LRRFIP1: variants seen among roughly 807,000 people sequenced by gnomAD.
LRRFIP1 encodes leucine-rich repeat flightless-interacting protein 1.
LRRFIP1 carries 62 observed loss-of-function variants against 104.4 expected under a neutral mutation model. The observed-to-expected ratio is 0.59, with a 90% CI of 0.48 to 0.73. LRRFIP1 has a LOEUF of 0.73. Ranked by LOEUF, LRRFIP1 falls within the 30% of genes least tolerant of loss-of-function variation. The pLI is 0.00. For missense variants in LRRFIP1, 796 were observed against 824.5 expected (o/e 0.97, Z 0.42); for synonymous variants, 300 against 299.0 (o/e 1.00, Z -0.03).
intron 1 of LRRFIP1, among the ~76,000 whole-genome samples, chr2:237,706,501 C>G (rs2093817088): frequency 6.6e-6 from 1 of 152,226 alleles, no homozygotes; most frequent in Non-Finnish European, 1.5e-5. Context: ...AGCCACCTGC[C>G]TTACCAGGAA....
chr2:237,721,049 T>G (rs2094520683), intron 6 of LRRFIP1: 1 of 498,772 alleles, frequency 2.0e-6, no homozygotes, highest in Non-Finnish European at 3.7e-6. Flanking sequence ...TCTCCCGAGA[T>G]GAAGTCATCT....
At position 237,780,815 on chromosome 2, in the gene LRRFIP1, C is replaced by T. The variant is rs539127621; in HGVS notation, c.*1283C>T. On this transcript the variant is annotated 3_prime_UTR_variant, in exon 24 of 24. Transcript: ENST00000308482. ...TATGGATCTAGGATATACACAGCTG[C>T]GTTGCATTAAGAAAGAGATGAAATC... is the stretch of plus-strand genomic sequence containing the variant. Among the ~76,000 whole-genome samples, 2 of 152,130 alleles carry T rather than the reference C, an allele frequency of 1.3e-5. No individual in the cohort carries two copies. The highest frequency in any genetic ancestry group is 2.9e-5 in the Non-Finnish European group (2 of 68,016).
chr2:237,740,249 TAA>T (rs548413594), intron 11 of LRRFIP1, among the ~76,000 whole-genome samples: 2,420 of 125,580 alleles, frequency 0.019, 71 homozygotes, highest in African/African-American at 0.066. Context: ...CTCTAAACAG[TAA>T]AAAAAAAAAA....
chr2:237,766,041 G>A lies in LRRFIP1; in HGVS notation c.1460-3902G>A, dbSNP rs536523360. On this transcript the variant is annotated intron_variant, in intron 19 of 23. Coordinates refer to ENST00000308482, the MANE Select transcript of LRRFIP1 (RefSeq NM_001137550.2). This position sits in a 1 kb window ranked among gnomAD's most constrained non-coding sequence, Gnocchi z 4.8. The stretch of plus-strand genomic sequence containing the variant: ...TATTGGGGTTCCGTGGAAGACCCAC[G>A]CCTGATGCCCTCCCTCAGTAAGGAA... 4.2e-5 allele frequency: 17 copies of A among 403,898 alleles called. No individual in the cohort carries two copies. Among genetic ancestry groups the A allele is most frequent in the African/African-American group, 2.6e-4 (12 of 45,956 alleles). The allele number at this position is 403,898 out of a possible 1,614,324, so 25.0% of individuals were successfully genotyped here. A position where few individuals can be genotyped will look rare whatever the true frequency, so the allele number is the denominator to read the frequency against.
At chr2:237,662,136 T>TG (rs2088116162) in intron 1 of LRRFIP1, among the ~76,000 whole-genome samples, 1 of 142,888 alleles carries the variant, frequency 7.0e-6, no homozygotes, top group Non-Finnish European at 1.5e-5. Flanking sequence ...CTTCTGGTGC[T>TG]GCTGGCAGCC....
intron 1 of LRRFIP1, among the ~76,000 whole-genome samples, chr2:237,660,720 A>G (rs2087752928): frequency 6.6e-6 from 1 of 152,184 alleles, no homozygotes; most frequent in Non-Finnish European, 1.5e-5. Context: ...CATCCATACA[A>G]GGAGTGCCAC....
chr2:237,682,732 GCTGA>G (rs1179328147), intron 1 of LRRFIP1, among the ~76,000 whole-genome samples: 1 of 152,168 alleles, frequency 6.6e-6, no homozygotes, highest in Non-Finnish European at 1.5e-5. Context: ...TGCTCCTGGC[GCTGA>G]CTTTCTTGCC....
intron 2 of LRRFIP1, among the ~76,000 whole-genome samples, chr2:237,713,732 A>G (rs971150083): frequency 4.6e-5 from 7 of 152,272 alleles, no homozygotes; most frequent in Non-Finnish European, 8.8e-5. Flanking sequence ...ATGTCAATGT[A>G]TGATAATAAC....
chr2:237,631,323 T>G (rs1232897263), intron 1 of LRRFIP1, among the ~76,000 whole-genome samples: 1 of 152,214 alleles, frequency 6.6e-6, no homozygotes, highest in Non-Finnish European at 1.5e-5. Flanking sequence ...GGCAGGGCTT[T>G]GCACTCTTCT....
intron 19 of LRRFIP1, chr2:237,763,586 G>C (rs757229538): frequency 1.2e-6 from 2 of 1,613,204 alleles, no homozygotes; most frequent in Non-Finnish European, 1.7e-6. Flanking sequence ...AGCCCAAAAC[G>C]AGGTGACTGA....
chr2:237,673,601 TTC>T, intron 1 of LRRFIP1, among the ~76,000 whole-genome samples: 1 of 152,128 alleles, frequency 6.6e-6, no homozygotes, highest in East Asian at 1.9e-4. Context: ...CGGTCGGTCG[TTC>T]TGTCTGTAGC....
intron 1 of LRRFIP1, among the ~76,000 whole-genome samples, chr2:237,632,341 G>A (rs1210026659): frequency 6.6e-6 from 1 of 152,184 alleles, no homozygotes; most frequent in Non-Finnish European, 1.5e-5. Context: ...TCTGTGGTAC[G>A]TTTCCTGCTC....
intron 20 of LRRFIP1, among the ~76,000 whole-genome samples, chr2:237,771,785 G>A (rs1245673975): frequency 6.6e-6 from 1 of 152,170 alleles, no homozygotes; most frequent in Non-Finnish European, 1.5e-5. Flanking sequence ...TAAATAAAGA[G>A]AAAGTGAATA....
intron 1 of LRRFIP1, among the ~76,000 whole-genome samples, chr2:237,648,439 C>T (rs1255178866): frequency 6.6e-6 from 1 of 151,808 alleles, no homozygotes; most frequent in Admixed American, 6.6e-5. Flanking sequence ...TAACAAGATG[C>T]CTCACGGCCA....
At chr2:237,669,666 G>T (rs913620768) in intron 1 of LRRFIP1, among the ~76,000 whole-genome samples, 17 of 152,268 alleles carry the variant, frequency 1.1e-4, no homozygotes, top group African/African-American at 4.1e-4. Flanking sequence ...GGCCGTCACG[G>T]TTTGTTGAGC....
chr2:237,772,748 C>T (rs934928206), intron 21 of LRRFIP1, 118 bp from the exon 22 acceptor site: 1 of 716,978 alleles, frequency 1.4e-6, no homozygotes. Context: ...GAGGCAGGGC[C>T]AGAACTAACA....
intron 1 of LRRFIP1, among the ~76,000 whole-genome samples, chr2:237,670,066 T>C (rs776871902): frequency 9.9e-5 from 15 of 152,264 alleles, no homozygotes; most frequent in Non-Finnish European, 1.5e-4. Context: ...GAGATAGTTC[T>C]AATTTTAGAA....
At chr2:237,640,339 G>A (rs576619703) in intron 1 of LRRFIP1, among the ~76,000 whole-genome samples, 2 of 152,134 alleles carry the variant, frequency 1.3e-5, no homozygotes, top group Admixed American at 1.3e-4. Flanking sequence ...CAGACTGGGG[G>A]CTTTAGCATG....
At position 237,749,182 on chromosome 2, in the gene LRRFIP1, T is replaced by C; in HGVS notation, c.670-17T>C. The C allele has an allele frequency of 6.2e-7, 1 of 1,610,878 alleles. No homozygotes were observed. The highest frequency in any genetic ancestry group is 1.3e-5 in the African/African-American group (1 of 74,844). ...AGAGCTAAACCATATCAGCATGTGATCCTCTCAACGTTCCAGGGGTCTCGT... is the reference window on the plus strand; with the variant it reads ...AGAGCTAAACCATATCAGCATGTGACCCTCTCAACGTTCCAGGGGTCTCGT... On this transcript the variant is annotated splice_polypyrimidine_tract_variant and intron_variant, in intron 12 of 23. Coordinates refer to ENST00000308482, the MANE Select transcript of LRRFIP1 (RefSeq NM_001137550.2).
Sources: allele counts gnomAD v4.1 joint callset (sites outside exome capture counted in the v4.1 genomes callset), GRCh38; gene constraint gnomAD v4.1.1; non-coding constraint Gnocchi (gnomAD v3.1); transcripts MANE v1.5; gene names NCBI Gene and HGNC (gene_info 2026-07-23, HGNC 2026-07-21).